Variants in INPP4B observed in about 807,000 individuals in gnomAD.
INPP4B encodes the protein inositol polyphosphate 4-phosphatase type II.
Under a neutral mutation model 122.5 loss-of-function variants are expected in INPP4B, and 55 were observed. That is an observed-to-expected ratio of 0.45 (90% CI 0.36 to 0.56). The LOEUF (loss-of-function observed/expected upper bound fraction) is 0.56, where lower values mean the gene tolerates loss of function less well. Among genes scored for constraint, INPP4B ranks in the 20% least tolerant of loss-of-function variants. The probability of loss-of-function intolerance (pLI) is 0.00; values close to 1 mark genes in which losing one functional copy is unlikely to be tolerated. For missense variants in INPP4B, 1,000 were observed against 1,097.7 expected, an observed-to-expected ratio of 0.91 and a Z score of 1.26; for synonymous variants, 403 against 388.7, an observed-to-expected ratio of 1.04 and a Z score of -0.43.
rs1982966 is a variant in INPP4B, at chr4:142,402,941, G to A, written c.369C>T (p.Asp123=). 0.32 allele frequency: 461,193 copies of A among 1,429,298 alleles called. 78,684 individuals carry two copies. The highest frequency in any genetic ancestry group is 0.39 in the South Asian group (34,088 of 87,074). 88.5% of individuals were successfully genotyped at this position (1,429,298 alleles called of 1,614,324 possible). ...TVYDVKDKSH[D]TVRTSVLPEH... Reference sequence around the variant, plus strand: ...AGAAAGAAGTACCAGTACTTACGGTGTCATGAGACTTATCCTTGACATCAT... The same window carrying A: ...AGAAAGAAGTACCAGTACTTACGGTATCATGAGACTTATCCTTGACATCAT... Residue 123 remains aspartate, a synonymous_variant, in exon 7 of 26, where the codon GAC becomes GAT. Coordinates refer to ENST00000262992, the MANE Select transcript of INPP4B (RefSeq NM_001101669.3).
intron 18 of INPP4B, among the ~76,000 whole-genome samples, chr4:142,129,023 C>T (rs1799988931): frequency 6.6e-6 from 1 of 152,144 alleles, no homozygotes; most frequent in Admixed American, 6.5e-5. Context: ...GTTATCGCAA[C>T]CTTTCAGACA....
At chr4:142,167,762 G>A (rs925501791) in intron 16 of INPP4B, among the ~76,000 whole-genome samples, 12 of 151,618 alleles carry the variant, frequency 7.9e-5, no homozygotes, top group Non-Finnish European at 3.0e-5. Context: ...AAACATGTTT[G>A]AATTAATAAA....
chr4:142,221,191 A>G (rs1445544051), intron 12 of INPP4B, among the ~76,000 whole-genome samples: 2 of 152,058 alleles, frequency 1.3e-5, no homozygotes, highest in Admixed American at 1.3e-4. Flanking sequence ...CGAGGTCAGG[A>G]GATCGAGACC....
At chr4:142,468,745 A>T (rs1818283815) in intron 2 of INPP4B, among the ~76,000 whole-genome samples, 1 of 152,162 alleles carries the variant, frequency 6.6e-6, no homozygotes. Flanking sequence ...CCCTCATCAG[A>T]TGCAGGTGTT....
At chr4:142,707,264 T>C (rs1311005438) in intron 2 of INPP4B, among the ~76,000 whole-genome samples, 5 of 152,210 alleles carry the variant, frequency 3.3e-5, no homozygotes, top group Non-Finnish European at 7.3e-5. Context: ...TTAAGTATAA[T>C]TGGAACCACT....
intron 2 of INPP4B, among the ~76,000 whole-genome samples, chr4:142,529,325 A>G (rs1196390772): frequency 2.0e-5 from 3 of 152,092 alleles, no homozygotes; most frequent in Non-Finnish European, 4.4e-5. Flanking sequence ...TGATATTAAA[A>G]TACTTTTTTA....
intron 3 of INPP4B, among the ~76,000 whole-genome samples, chr4:142,459,020 C>T (rs1816132127): frequency 6.6e-6 from 1 of 152,202 alleles, no homozygotes; most frequent in Non-Finnish European, 1.5e-5. Context: ...GCCAGCCTGA[C>T]TCAGACAACT....
intron 1 of INPP4B, among the ~76,000 whole-genome samples, chr4:142,827,725 C>G: frequency 6.6e-6 from 1 of 152,128 alleles, no homozygotes; most frequent in Non-Finnish European, 1.5e-5. Context: ...CCCTCCCTAT[C>G]TACAGAAAAA....
chr4:142,066,285 C>T (rs1227753125), intron 25 of INPP4B, among the ~76,000 whole-genome samples: 37 of 152,130 alleles, frequency 2.4e-4, no homozygotes, highest in Non-Finnish European at 1.2e-4. Context: ...ACAGTCTACA[C>T]AAAACACTTT....
intron 11 of INPP4B, among the ~76,000 whole-genome samples, chr4:142,259,711 G>A (rs1738723735): frequency 6.6e-6 from 1 of 151,658 alleles, no homozygotes; most frequent in African/African-American, 2.4e-5. Flanking sequence ...CAAATACATT[G>A]TACAGCTATA....
At chr4:142,333,437 C>T (rs551082520) in intron 7 of INPP4B, among the ~76,000 whole-genome samples, 1 of 152,174 alleles carries the variant, frequency 6.6e-6, no homozygotes, top group South Asian at 2.1e-4. Flanking sequence ...CCAAATCTTT[C>T]CTTTCTCGCT....
At chr4:142,698,868 C>T (rs1336504588) in intron 2 of INPP4B, among the ~76,000 whole-genome samples, 1 of 152,144 alleles carries the variant, frequency 6.6e-6, no homozygotes, top group East Asian at 1.9e-4. Flanking sequence ...GAAGGGGAAC[C>T]TTGAAGACAC....
intron 7 of INPP4B, among the ~76,000 whole-genome samples, chr4:142,356,083 G>T (rs1442087123): frequency 1.3e-5 from 2 of 150,916 alleles, no homozygotes; most frequent in African/African-American, 2.4e-5. Context: ...TGACACAATT[G>T]GTTTACAATG....
intron 2 of INPP4B, among the ~76,000 whole-genome samples, chr4:142,629,418 G>A (rs1027970758): frequency 6.6e-6 from 1 of 152,048 alleles, no homozygotes; most frequent in African/African-American, 2.4e-5. Context: ...AGCTTCAACA[G>A]GATAAATGCA....
chr4:142,583,755 C>T (rs1054983381), intron 2 of INPP4B: 3 of 152,064 alleles, frequency 2.0e-5, no homozygotes, highest in Non-Finnish European at 4.4e-5. Flanking sequence ...AATCAAGAAA[C>T]AATATTACTT....
At chr4:142,412,802 T>C (rs977097535) in intron 5 of INPP4B, among the ~76,000 whole-genome samples, 6 of 152,142 alleles carry the variant, frequency 3.9e-5, no homozygotes, top group African/African-American at 1.2e-4. Context: ...TCCTTTGACA[T>C]TATTCTTTTT....
chr4:142,307,434 T>C (rs1296984503), intron 8 of INPP4B, among the ~76,000 whole-genome samples: 3 of 152,230 alleles, frequency 2.0e-5, no homozygotes, highest in East Asian at 1.9e-4. Context: ...AGCTTTCTTT[T>C]GTTTGCTGAT....
intron 7 of INPP4B, among the ~76,000 whole-genome samples, chr4:142,374,721 A>G (rs1162185047): frequency 6.6e-6 from 1 of 151,894 alleles, no homozygotes; most frequent in African/African-American, 2.4e-5. Context: ...TCTTCATATA[A>G]CACAATTTAC....
In INPP4B at chr4:142,248,336, CT is replaced by C. The variant is rs34309443; in HGVS notation, c.689-10326del. 4.9e-4 allele frequency among the ~76,000 whole-genome samples: 52 copies of C among 106,368 alleles called. No individual in the cohort carries two copies. The Middle Eastern group carries it at 0.025, about 52-fold the overall frequency. 69.8% of individuals were successfully genotyped at this position (106,368 alleles called of 152,430 possible). ...TCTGTGTTTCTCTCTCTCTCTCTCT[CT>C]TTTTTTTTTTTTTTTTTGAGATGGA... On this transcript the variant is annotated intron_variant, in intron 11 of 25. Coordinates refer to ENST00000262992, the MANE Select transcript of INPP4B (RefSeq NM_001101669.3).
Sources: gnomAD v4.1 joint callset for allele counts (sites outside exome capture counted in the v4.1 genomes callset) on GRCh38, gnomAD v4.1.1 for gene constraint, MANE v1.5 for transcripts, NCBI Gene and HGNC (gene_info 2026-07-23, HGNC 2026-07-21) for gene names.